SYT16: variants seen among roughly 807,000 people sequenced by gnomAD.
SYT16 encodes synaptotagmin 16, also known as synaptotagmin-16.
Under a neutral mutation model 61.4 loss-of-function variants are expected in SYT16, and 42 were observed. The ratio of observed to expected loss-of-function variants is 0.68; its 90% CI spans 0.53 to 0.89. SYT16 has a LOEUF of 0.89. Ranked by LOEUF, SYT16 falls within the 40% of genes least tolerant of loss-of-function variation. The pLI is 0.00. For synonymous variants in SYT16, 314 were observed against 302.3 expected, an observed-to-expected ratio of 1.04 and a Z score of -0.40; for missense variants, 804 against 807.3, an observed-to-expected ratio of 1.00 and a Z score of 0.05.
Position 62,110,589 on chromosome 14 carries a change from ATCTG to A in SYT16, c.*9887_*9890del, listed in dbSNP as rs2057590892. ...GGGCCATATTCATAGAATGTCAGTA[ATCTG>A]TCTGAATACAAGTTATAGTTGGTCT... On this transcript the variant is annotated 3_prime_UTR_variant, in exon 8 of 8. Transcript: ENST00000683842. 1 of 152,114 alleles carries A rather than the reference ATCTG, an allele frequency of 6.6e-6. No homozygotes were observed. The highest frequency in any genetic ancestry group is 1.9e-4 in the East Asian group (1 of 5,196). The allele number at this position is 152,114 out of a possible 1,614,324, so 9.4% of individuals were successfully genotyped here. A position where few individuals can be genotyped will look rare whatever the true frequency, so the allele number is the denominator to read the frequency against.
At chr14:61,958,870 C>T (rs758159270) in intron 1 of SYT16, among the ~76,000 whole-genome samples, 39 of 152,056 alleles carry the variant, frequency 2.6e-4, no homozygotes, top group Non-Finnish European at 4.3e-4. Flanking sequence ...TATTATATTG[C>T]ATTGCTACCT....
intron 1 of SYT16, among the ~76,000 whole-genome samples, chr14:61,836,981 G>C (rs1434169193): frequency 6.6e-6 from 1 of 152,172 alleles, no homozygotes; most frequent in East Asian, 1.9e-4. Flanking sequence ...AACCCCTACT[G>C]ATAGGAGGAG....
chr14:62,051,874 A>G (rs940609601), intron 3 of SYT16, among the ~76,000 whole-genome samples: 2 of 152,244 alleles, frequency 1.3e-5, no homozygotes, highest in Non-Finnish European at 2.9e-5. Context: ...TTTATAAAAC[A>G]TTAGAAAATT....
At chr14:62,050,439 A>C (rs1566798120) in intron 3 of SYT16, among the ~76,000 whole-genome samples, 2 of 152,016 alleles carry the variant, frequency 1.3e-5, no homozygotes, top group African/African-American at 2.4e-5. Flanking sequence ...AGCTCGGAGT[A>C]GTTTGATCTT....
chr14:61,961,846 G>A (rs2051128245), intron 1 of SYT16, among the ~76,000 whole-genome samples: 1 of 152,118 alleles, frequency 6.6e-6, no homozygotes, highest in South Asian at 2.1e-4. Context: ...ATTCACAGTA[G>A]CAAAGTCATG....
intron 1 of SYT16, among the ~76,000 whole-genome samples, chr14:61,958,293 A>G (rs1436892885): frequency 6.7e-6 from 1 of 149,866 alleles, no homozygotes; most frequent in African/African-American, 2.5e-5. Context: ...TCTTACCTTT[A>G]CTATTTTCTT....
At chr14:62,006,253 A>G (rs2053221707) in intron 3 of SYT16, among the ~76,000 whole-genome samples, 1 of 151,922 alleles carries the variant, frequency 6.6e-6, no homozygotes. Context: ...TCATGCACTC[A>G]TTTGTTCCTT....
chr14:61,950,239 C>G (rs1482702288), intron 1 of SYT16, among the ~76,000 whole-genome samples: 1 of 152,030 alleles, frequency 6.6e-6, no homozygotes, highest in South Asian at 2.1e-4. Flanking sequence ...TCTAAATTGG[C>G]CTTGATTCTG....
chr14:62,004,232 ACAG>A (rs1481181405), intron 3 of SYT16, among the ~76,000 whole-genome samples: 19 of 152,192 alleles, frequency 1.2e-4, no homozygotes, highest in Admixed American at 4.6e-4. Context: ...TTACATGGCA[ACAG>A]GAGAGACAGA....
intron 1 of SYT16, among the ~76,000 whole-genome samples, chr14:61,890,026 C>T (rs1448249171): frequency 6.6e-5 from 10 of 152,006 alleles, no homozygotes; most frequent in African/African-American, 9.7e-5. Flanking sequence ...AGGCCAGATT[C>T]GGTAAATAAG....
intron 1 of SYT16, among the ~76,000 whole-genome samples, chr14:61,849,674 T>C (rs940862373): frequency 3.5e-5 from 4 of 113,152 alleles, no homozygotes; most frequent in African/African-American, 1.6e-4. Context: ...CTTTACCTCA[T>C]GTGGCCACTG....
At chr14:61,964,224 C>T (rs2051220193) in intron 1 of SYT16, among the ~76,000 whole-genome samples, 1 of 152,072 alleles carries the variant, frequency 6.6e-6, no homozygotes, top group Admixed American at 6.5e-5. Flanking sequence ...ATAGTGATTC[C>T]TCTGACTCAT....
At chr14:61,944,335 T>G (rs1192188260) in intron 1 of SYT16, among the ~76,000 whole-genome samples, 1 of 152,146 alleles carries the variant, frequency 6.6e-6, no homozygotes, top group African/African-American at 2.4e-5. Context: ...TTCAGTGCTA[T>G]CCCCATCAAG....
At chr14:61,915,342 AT>A (rs2049081860) in intron 1 of SYT16, among the ~76,000 whole-genome samples, 1 of 152,106 alleles carries the variant, frequency 6.6e-6, no homozygotes, top group Non-Finnish European at 1.5e-5. Flanking sequence ...CATACATTTA[AT>A]TCGTGTAATA....
intron 2 of SYT16, among the ~76,000 whole-genome samples, chr14:61,972,788 G>T (rs2051617030): frequency 6.6e-6 from 1 of 152,190 alleles, no homozygotes; most frequent in East Asian, 1.9e-4. Context: ...CAGACAGACA[G>T]AGCTTACTTT....
chr14:62,015,851 T>C (rs2053651494), intron 3 of SYT16, among the ~76,000 whole-genome samples: 1 of 152,236 alleles, frequency 6.6e-6, no homozygotes, highest in South Asian at 2.1e-4. Context: ...GTTTATGGTA[T>C]GTTGTTATAG....
intron 1 of SYT16, among the ~76,000 whole-genome samples, chr14:61,895,907 G>A (rs2048307621): frequency 6.6e-6 from 1 of 152,146 alleles, no homozygotes; most frequent in Non-Finnish European, 1.5e-5. Flanking sequence ...TCTCCTCAGA[G>A]GATGAGCTAA....
rs2050440150 is a variant in SYT16, at chr14:61,946,426, G to A, written c.-324-23706G>A. Among the ~76,000 whole-genome samples the A allele has an allele frequency of 2.0e-5, 3 of 152,266 alleles. No homozygotes were observed. In the East Asian group the frequency reaches 5.8e-4, roughly 29 times the overall value. ...GACTCCAAAAGGTGGGACGGTAGGA[G>A]GGGGGTGAGGGCTGAATAATGACCT... On this transcript the variant is annotated intron_variant, in intron 1 of 7. Coordinates refer to ENST00000683842, the MANE Select transcript of SYT16 (RefSeq NM_001367656.1).
chr14:62,091,867 A>T (rs1295888035), intron 7 of SYT16, among the ~76,000 whole-genome samples: 1 of 152,212 alleles, frequency 6.6e-6, no homozygotes, highest in Non-Finnish European at 1.5e-5. Context: ...ACTTCATGTA[A>T]GTTCAAAAAT....
Sources: gnomAD v4.1 joint callset for allele counts (sites outside exome capture counted in the v4.1 genomes callset) on GRCh38, gnomAD v4.1.1 for gene constraint, MANE v1.5 for transcripts, NCBI Gene and HGNC (gene_info 2026-07-23, HGNC 2026-07-21) for gene names.